ROPN1L: variants seen among roughly 807,000 people sequenced by gnomAD.
The protein encoded by ROPN1L is ropporin-1-like protein.
A neutral mutation model predicts 22.7 loss-of-function variants in ROPN1L; 23 were observed. The observed-to-expected ratio is 1.01, with a 90% confidence interval of 0.73 to 1.43. ROPN1L has a LOEUF of 1.43. Among genes scored for constraint, ROPN1L ranks in the 40% most tolerant of loss-of-function variants. The pLI, the probability that ROPN1L is intolerant of heterozygous loss-of-function variation, is 0.00. For synonymous variants in ROPN1L, 116 were observed against 117.8 expected (o/e 0.98, Z 0.10); for missense variants, 271 against 291.5 (o/e 0.93, Z 0.51).
At chr5:10,452,346 T>C (rs1396567635) in intron 3 of ROPN1L, among the ~76,000 whole-genome samples, 3 of 149,324 alleles carry the variant, frequency 2.0e-5, no homozygotes, top group African/African-American at 7.4e-5. Flanking sequence ...TGTGTATTTT[T>C]TTTTTTTTGA....
At chr5:10,480,386 G>A in the ROPN1L span, among the ~76,000 whole-genome samples, 1 of 152,128 alleles carries the variant, frequency 6.6e-6, no homozygotes, top group East Asian at 1.9e-4. Context: ...GGAGGGGACT[G>A]GAGACCAGGG....
Position 10,442,279 on chromosome 5 carries a change from G to T in ROPN1L, c.112G>T (p.Val38Leu). Reference sequence around the variant, plus strand: ...TGCCATCCGCACCCAGCCGGCCGACGTGCTGCGGTGGTCCGCGGGGTAAGC... The same window carrying T: ...TGCCATCCGCACCCAGCCGGCCGACTTGCTGCGGTGGTCCGCGGGGTAAGC... Reference protein sequence around the residue: ...KAAIRTQPADVLRWSAGYFSA... With the variant: ...KAAIRTQPADLLRWSAGYFSA... The change falls in exon 1 of 5, where the codon GTG becomes TTG. Residue 38 changes from valine (V) to leucine (L), a missense_variant. Coordinates refer to ENST00000274134, the MANE Select transcript of ROPN1L (RefSeq NM_031916.5). 1 of 1,613,482 alleles carries T rather than the reference G, an allele frequency of 6.2e-7. No individual in the cohort carries two copies.
intron 4 of ROPN1L, among the ~76,000 whole-genome samples, chr5:10,464,298 C>G (rs1386089766): frequency 6.6e-6 from 1 of 152,202 alleles, no homozygotes; most frequent in Non-Finnish European, 1.5e-5. Flanking sequence ...ATTCTTGACA[C>G]CATCCTGGCT....
chr5:10,449,401 C>T (rs1205439056), intron 2 of ROPN1L, among the ~76,000 whole-genome samples: 1 of 152,112 alleles, frequency 6.6e-6, no homozygotes, highest in African/African-American at 2.4e-5. Context: ...CACCTGTAAT[C>T]CCAGCTACTT....
intron 2 of ROPN1L, among the ~76,000 whole-genome samples, chr5:10,448,607 A>T (rs911227996): frequency 4.6e-5 from 7 of 152,340 alleles, no homozygotes; most frequent in Admixed American, 1.3e-4. Flanking sequence ...CCAAGTCACT[A>T]TCCAGGGGTA....
chr5:10,457,929 T>A (rs890565391), intron 3 of ROPN1L, among the ~76,000 whole-genome samples: 1 of 152,066 alleles, frequency 6.6e-6, no homozygotes, highest in African/African-American at 2.4e-5. Context: ...CCGTGGCTGC[T>A]GCAAGCAGGA....
chr5:10,473,077 C>A (rs1189609885), downstream of ROPN1L, among the ~76,000 whole-genome samples: 1 of 152,246 alleles, frequency 6.6e-6, no homozygotes, highest in East Asian at 1.9e-4. Context: ...AGTCCCCCTC[C>A]AGGCTTACAC....
intron 3 of ROPN1L, among the ~76,000 whole-genome samples, chr5:10,458,884 A>G (rs1204535668): frequency 9.0e-5 from 2 of 22,214 alleles, no homozygotes; most frequent in East Asian, 3.4e-3. Flanking sequence ...CGTGTACACC[A>G]TCCCCTCGTG....
At chr5:10,473,020 C>A (rs1735272442), downstream of ROPN1L, among the ~76,000 whole-genome samples, 1 of 152,092 alleles carries the variant, frequency 6.6e-6, no homozygotes, top group African/African-American at 2.4e-5. Flanking sequence ...TCTCTAAGGC[C>A]AGCACCACCT....
At chr5:10,450,492 ATTAT>A (rs1032836762) in intron 3 of ROPN1L, among the ~76,000 whole-genome samples, 1 of 151,820 alleles carries the variant, frequency 6.6e-6, no homozygotes, top group Admixed American at 6.6e-5. Flanking sequence ...ATCTATTATT[ATTAT>A]TTATTTATTC....
downstream of ROPN1L, among the ~76,000 whole-genome samples, chr5:10,466,311 C>A (rs1003783850): frequency 5.9e-5 from 9 of 152,118 alleles, no homozygotes; most frequent in African/African-American, 2.2e-4. Flanking sequence ...ATGAGACGTG[C>A]TTTCACTGTG....
At chr5:10,467,892 C>A (rs949474901), downstream of ROPN1L, among the ~76,000 whole-genome samples, 1 of 152,202 alleles carries the variant, frequency 6.6e-6, no homozygotes, top group African/African-American at 2.4e-5. Flanking sequence ...CCCAGCCAGA[C>A]CCAAGGTTTT....
intron 2 of ROPN1L, 47 bp downstream of exon 2, chr5:10,448,430 T>C (rs764888481): frequency 1.2e-6 from 2 of 1,610,804 alleles, no homozygotes; most frequent in Non-Finnish European, 1.7e-6. Context: ...GCCTGTGCTT[T>C]CCTTACCGTT....
chr5:10,469,519 C>G (rs140590603), downstream of ROPN1L, among the ~76,000 whole-genome samples: 5 of 151,900 alleles, frequency 3.3e-5, no homozygotes, highest in Non-Finnish European at 7.4e-5. Flanking sequence ...GGCATTCATA[C>G]GGTGTGACTT....
At chr5:10,474,526 A>G (rs1735293687), downstream of ROPN1L, among the ~76,000 whole-genome samples, 2 of 149,530 alleles carry the variant, frequency 1.3e-5, no homozygotes, top group South Asian at 4.3e-4. Flanking sequence ...AAAAAACGAG[A>G]CCTCAGCTCT....
At chr5:10,463,308 C>G (rs1735076907) in intron 4 of ROPN1L, among the ~76,000 whole-genome samples, 1 of 152,190 alleles carries the variant, frequency 6.6e-6, no homozygotes, top group Non-Finnish European at 1.5e-5. Flanking sequence ...TGCGGAAGTT[C>G]TCATTTGTTC....
downstream of ROPN1L, among the ~76,000 whole-genome samples, chr5:10,465,594 A>G (rs1735140409): frequency 6.6e-6 from 1 of 152,064 alleles, no homozygotes. Flanking sequence ...TCACACCTGT[A>G]ATCCCAGCAC....
At chr5:10,466,971 G>A (rs763675506), downstream of ROPN1L, among the ~76,000 whole-genome samples, 4 of 152,066 alleles carry the variant, frequency 2.6e-5, no homozygotes, top group Admixed American at 6.5e-5. Flanking sequence ...CCGTGTCCTC[G>A]TTTCCTCTTC....
chr5:10,467,460 T>C (rs2126477621), downstream of ROPN1L, among the ~76,000 whole-genome samples: 1 of 152,220 alleles, frequency 6.6e-6, no homozygotes, highest in African/African-American at 2.4e-5. Context: ...TGTGCCTTTC[T>C]CCAAGGGTGA....
Sources: gnomAD v4.1 joint callset for allele counts (sites outside exome capture counted in the v4.1 genomes callset) on GRCh38, gnomAD v4.1.1 for gene constraint, MANE v1.5 for transcripts, NCBI Gene and HGNC (gene_info 2026-07-23, HGNC 2026-07-21) for gene names.